ASIC2: variants seen among roughly 807,000 people sequenced by gnomAD.
ASIC2 encodes the protein acid sensing ion channel subunit 2.
Under a neutral mutation model 57.3 loss-of-function variants are expected in ASIC2, and 25 were observed. That is an observed-to-expected ratio of 0.44 (90% CI 0.32 to 0.61). ASIC2 has a LOEUF of 0.61. Ranked by LOEUF, ASIC2 falls within the 20% of genes least tolerant of loss-of-function variation. The pLI is 0.06. For synonymous variants in ASIC2, 319 were observed against 307.5 expected (o/e 1.04, Z -0.39); for missense variants, 641 against 738.1 (o/e 0.87, Z 1.52).
At chr17:33,799,455 T>TTTCTTTCTTTCTTTCTTTC (rs1912056679) in intron 1 of ASIC2, among the ~76,000 whole-genome samples, 1 of 109,614 alleles carries the variant, frequency 9.1e-6, no homozygotes, top group African/African-American at 3.4e-5. Context: ...TCTTTCTTTC[T>TTTCTTTCTTTCTTTCTTTC]TTCTTTCTTT....
chr17:33,973,705 G>C (rs1213504809), intron 1 of ASIC2, among the ~76,000 whole-genome samples: 1 of 152,116 alleles, frequency 6.6e-6, no homozygotes, highest in Non-Finnish European at 1.5e-5. Context: ...GGCTGCCATG[G>C]GACATAAGCC....
chr17:33,737,148 C>A (rs906878809), intron 1 of ASIC2, among the ~76,000 whole-genome samples: 1 of 152,264 alleles, frequency 6.6e-6, no homozygotes, highest in South Asian at 2.1e-4. Context: ...CCCCCTGCTC[C>A]ACGCCTCCAC....
At chr17:33,251,383 G>A (rs1217968965) in intron 1 of ASIC2, among the ~76,000 whole-genome samples, 1 of 152,136 alleles carries the variant, frequency 6.6e-6, no homozygotes, top group African/African-American at 2.4e-5. Context: ...AGGCTGGAGT[G>A]CAGTGGCACA....
At chr17:33,594,289 T>C (rs1008179285) in intron 1 of ASIC2, among the ~76,000 whole-genome samples, 1 of 152,262 alleles carries the variant, frequency 6.6e-6, no homozygotes, top group Admixed American at 6.5e-5. Context: ...TCTGGTTTGC[T>C]CTGATTTTAG....
chr17:33,329,042 C>T (rs1268690031), intron 1 of ASIC2, among the ~76,000 whole-genome samples: 1 of 152,034 alleles, frequency 6.6e-6, no homozygotes, highest in African/African-American at 2.4e-5. Flanking sequence ...TAAGAATACA[C>T]TTCTATAAGA....
At chr17:33,757,241 C>T (rs1027575282) in intron 1 of ASIC2, among the ~76,000 whole-genome samples, 3 of 152,160 alleles carry the variant, frequency 2.0e-5, no homozygotes, top group Non-Finnish European at 4.4e-5. Flanking sequence ...ACTACTGTCC[C>T]TATTCTAACA....
Position 33,291,987 on chromosome 17 carries a change from G to A in ASIC2, c.129C>T (p.Gly43=), listed in dbSNP as rs751213891. The part of the protein sequence containing the change: ...AAAGQPGGGR[G]GERALQGPGV... ...CTGGCCCCTGCAGCGCCCGCTCGCC[G>A]CCTCTGCCGCCCCCGGGCTGCCCGG... Residue 43 remains glycine (G), a synonymous_variant, in exon 1 of 10, where the codon GGC becomes GGT. Coordinates refer to ENST00000225823, the MANE Select transcript of ASIC2 (RefSeq NM_183377.2). The A allele has an allele frequency of 1.6e-6, 2 of 1,282,054 alleles. No individual in the cohort carries two copies. Among genetic ancestry groups the A allele is most frequent in the Non-Finnish European group, 2.0e-6 (2 of 1,024,204 alleles). 79.4% of individuals were successfully genotyped at this position (1,282,054 alleles called of 1,614,324 possible).
chr17:33,102,859 C>T (rs2092217399), intron 2 of ASIC2, among the ~76,000 whole-genome samples: 1 of 152,222 alleles, frequency 6.6e-6, no homozygotes, highest in African/African-American at 2.4e-5. Context: ...TCTCGGCTCA[C>T]TGCAAGCTCC....
chr17:33,372,118 G>T (rs1330419618), intron 1 of ASIC2, among the ~76,000 whole-genome samples: 1 of 152,072 alleles, frequency 6.6e-6, no homozygotes, highest in African/African-American at 2.4e-5. Context: ...AGATGAAATG[G>T]CATAGGGGCT....
chr17:33,111,986 TC>T lies in ASIC2; in HGVS notation c.789del (p.Thr264GlnfsTer32). 3 of 1,613,566 alleles carry T rather than the reference TC, an allele frequency of 1.9e-6. No individual in the cohort carries two copies. Among genetic ancestry groups the T allele is most frequent in the East Asian group, 2.2e-5 (1 of 44,834 alleles). On this transcript the variant is annotated frameshift_variant, in exon 2 of 10. Transcript: ENST00000225823. LOFTEE classifies it high-confidence loss of function. ...AGCATGATCTCCAGCCCGTTGCCTG[TC>T]CCCCCCTTGACCGTGGTGAGCAGAG... ...GKPLLTTVKG[G>X]TGNGLEIMLD...
intron 3 of ASIC2, among the ~76,000 whole-genome samples, chr17:33,074,007 A>G (rs2092079669): frequency 6.6e-6 from 1 of 152,142 alleles, no homozygotes; most frequent in Non-Finnish European, 1.5e-5. Flanking sequence ...TAGTACCAGC[A>G]GGTGTGTGTG....
intron 1 of ASIC2, among the ~76,000 whole-genome samples, chr17:33,313,613 A>G (rs1021372319): frequency 6.6e-6 from 1 of 151,440 alleles, no homozygotes; most frequent in Non-Finnish European, 1.5e-5. Context: ...AGAGCTAAAA[A>G]CTCCTCTGGT....
chr17:33,177,437 AG>A (rs1266339340), intron 1 of ASIC2, among the ~76,000 whole-genome samples: 17 of 152,316 alleles, frequency 1.1e-4, no homozygotes, highest in African/African-American at 3.8e-4. Flanking sequence ...AAATGGTCTT[AG>A]AGAGGAGGGC....
At chr17:33,301,051 T>C (rs969955848) in intron 1 of ASIC2, among the ~76,000 whole-genome samples, 1 of 150,146 alleles carries the variant, frequency 6.7e-6, no homozygotes, top group Non-Finnish European at 1.5e-5. Context: ...AAAAAAAAAA[T>C]GATGTCTCAC....
At chr17:33,728,439 G>A (rs1378475673) in intron 1 of ASIC2, among the ~76,000 whole-genome samples, 1 of 152,148 alleles carries the variant, frequency 6.6e-6, no homozygotes, top group Admixed American at 6.5e-5. Context: ...CAAAGATAAA[G>A]CACAACTTAT....
chr17:33,704,480 C>T (rs1475417528), intron 1 of ASIC2, among the ~76,000 whole-genome samples: 1 of 152,188 alleles, frequency 6.6e-6, no homozygotes, highest in African/African-American at 2.4e-5. Context: ...ACCCTGAATT[C>T]TGTCTCTCTC....
At position 33,292,295 on chromosome 17, in the gene ASIC2, C is replaced by A. The variant is rs1281297700; in HGVS notation, c.-180G>T. On this transcript the variant is annotated 5_prime_UTR_variant, in exon 1 of 10. Transcript: ENST00000225823. ...TGCCCGCCCGGCGCCGCCGCTGCCG[C>A]CTCCGCGGGCGCCCGCCCGGGGCTG... 6 of 987,076 alleles carry A rather than the reference C, an allele frequency of 6.1e-6. No homozygotes were observed. The highest frequency in any genetic ancestry group is 7.2e-6 in the Non-Finnish European group (6 of 832,118). The allele number at this position is 987,076 out of a possible 1,614,324, so 61.1% of individuals were successfully genotyped here. A position where few individuals can be genotyped will look rare whatever the true frequency, so the allele number is the denominator to read the frequency against.
chr17:34,136,892 C>T (rs1003415576), intron 1 of ASIC2, among the ~76,000 whole-genome samples: 7 of 152,162 alleles, frequency 4.6e-5, no homozygotes, highest in Non-Finnish European at 7.3e-5. Flanking sequence ...GCATTGTCTC[C>T]CAAGCCCACA....
chr17:33,214,442 A>T (rs1438440130), intron 1 of ASIC2, among the ~76,000 whole-genome samples: 1 of 152,156 alleles, frequency 6.6e-6, no homozygotes, highest in South Asian at 2.1e-4. Context: ...GCTGGCAGAC[A>T]TTGTGTATGT....
Sources: gnomAD v4.1 joint callset for allele counts (sites outside exome capture counted in the v4.1 genomes callset) on GRCh38, gnomAD v4.1.1 for gene constraint, MANE v1.5 for transcripts, NCBI Gene and HGNC (gene_info 2026-07-23, HGNC 2026-07-21) for gene names.